PGR: variants seen among roughly 807,000 people sequenced by gnomAD.
PGR encodes progesterone receptor.
A neutral mutation model predicts 76.1 loss-of-function variants in PGR; 25 were observed. That is an observed-to-expected ratio of 0.33 (90% CI 0.24 to 0.46). PGR has a LOEUF of 0.46. PGR is among the 20% of genes least tolerant of loss of function. The probability of loss-of-function intolerance (pLI) is 1.00; values close to 1 mark genes in which losing one functional copy is unlikely to be tolerated. For synonymous variants in PGR, 579 were observed against 535.0 expected, an observed-to-expected ratio of 1.08 and a Z score of -1.14; for missense variants, 1,172 against 1,225.3, an observed-to-expected ratio of 0.96 and a Z score of 0.65.
intron 1 of PGR, 60 bp downstream of exon 1, chr11:101,127,365 GGCGGCCGCC>G (rs1325565549): frequency 8.0e-7 from 1 of 1,244,928 alleles, no homozygotes; most frequent in African/African-American, 1.6e-5. Flanking sequence ...GCTGAGGGTT[GGCGGCCGCC>G]GCCGCCAACG....
intron 2 of PGR, among the ~76,000 whole-genome samples, chr11:101,119,104 T>G (rs1216117303): frequency 1.3e-5 from 2 of 152,140 alleles, no homozygotes; most frequent in East Asian, 3.9e-4. Context: ...GGGTTCTCAC[T>G]CTTATGAGAA....
Position 101,031,871 on chromosome 11 carries a change from T to C in PGR, c.*7245A>G. ...AGAATCTATACAAAGAATGTGTTTA[T>C]TTTGTATGGGTTCAGCACAACTCAG... On this transcript the variant is annotated 3_prime_UTR_variant, in exon 8 of 8. Transcript: ENST00000325455. 1 of 229,782 alleles carries C rather than the reference T, an allele frequency of 4.4e-6. No individual in the cohort carries two copies. The highest frequency in any genetic ancestry group is 6.2e-5 in the East Asian group (1 of 16,116). The allele number at this position is 229,782 out of a possible 1,614,324, so 14.2% of individuals were successfully genotyped here. A position where few individuals can be genotyped will look rare whatever the true frequency, so the allele number is the denominator to read the frequency against.
chr11:101,116,531 G>A (rs1862514814), intron 2 of PGR, among the ~76,000 whole-genome samples: 1 of 152,136 alleles, frequency 6.6e-6, no homozygotes, highest in Admixed American at 6.5e-5. Context: ...CCTGAGGTCA[G>A]GAGTTCGAGA....
intron 3 of PGR, among the ~76,000 whole-genome samples, chr11:101,075,997 T>C (rs1039379010): frequency 6.6e-6 from 1 of 152,206 alleles, no homozygotes; most frequent in African/African-American, 2.4e-5. Context: ...TAAATCATTG[T>C]ACCATAAAGA....
intron 6 of PGR, among the ~76,000 whole-genome samples, chr11:101,042,601 T>C (rs548626827): frequency 1.3e-5 from 2 of 152,294 alleles, no homozygotes; most frequent in East Asian, 3.9e-4. Context: ...TTTTAAAAAT[T>C]GCTTCATTAA....
rs1861820849 is a variant in PGR, at chr11:101,096,032, G to A, written c.1790-4156C>T. Among the ~76,000 whole-genome samples the A allele has an allele frequency of 1.3e-5, 2 of 152,100 alleles. 1 individual carries two copies. Among genetic ancestry groups the A allele is most frequent in the South Asian group, 4.1e-4 (2 of 4,830 alleles). On this transcript the variant is annotated intron_variant, in intron 2 of 7. Coordinates refer to ENST00000325455, the MANE Select transcript of PGR (RefSeq NM_000926.4). ...TCTGGTATGAAGAGACTGATGATAA[G>A]TACCAAATAAATTTAAACATAAGTA...
At chr11:101,096,992 A>G (rs976447455) in intron 2 of PGR, among the ~76,000 whole-genome samples, 3 of 136,748 alleles carry the variant, frequency 2.2e-5, no homozygotes, top group Non-Finnish European at 4.9e-5. Context: ...AACAGGTTAC[A>G]TGGCATAATG....
intron 3 of PGR, among the ~76,000 whole-genome samples, chr11:101,077,576 C>G (rs564506622): frequency 6.6e-6 from 1 of 152,132 alleles, no homozygotes; most frequent in Admixed American, 6.5e-5. Context: ...TTTACTGAGT[C>G]TAGAAAATAA....
At chr11:101,064,498 G>C (rs181383648) in intron 3 of PGR, among the ~76,000 whole-genome samples, 1 of 152,128 alleles carries the variant, frequency 6.6e-6, no homozygotes, top group Admixed American at 6.6e-5. Context: ...GAAGGAATGA[G>C]TCACAAAGGG....
intron 4 of PGR, among the ~76,000 whole-genome samples, chr11:101,056,129 G>A (rs492457): frequency 0.72 from 109,134 of 151,838 alleles, 39,944 homozygotes; most frequent in East Asian, 1. Flanking sequence ...TAAATTCCCA[G>A]TGATGATAAT....
In PGR at chr11:101,032,802, C is replaced by A; in HGVS notation, c.*6314G>T. 5.2e-6 allele frequency: 1 copy of A among 192,222 alleles called. No individual in the cohort carries two copies. Among genetic ancestry groups the A allele is most frequent in the East Asian group, 8.3e-5 (1 of 12,064 alleles). The allele number at this position is 192,222 out of a possible 1,614,324, so 11.9% of individuals were successfully genotyped here. A position where few individuals can be genotyped will look rare whatever the true frequency, so the allele number is the denominator to read the frequency against. ...AGCTATCTGTTTACCTGTCTTTATT[C>A]CCCATCCAACTCTAAGCTCGGAGAA... On this transcript the variant is annotated 3_prime_UTR_variant, in exon 8 of 8. Coordinates refer to ENST00000325455, the MANE Select transcript of PGR (RefSeq NM_000926.4).
chr11:101,083,894 G>A (rs1565350012), intron 3 of PGR, among the ~76,000 whole-genome samples: 1 of 152,142 alleles, frequency 6.6e-6, no homozygotes, highest in Non-Finnish European at 1.5e-5. Context: ...TAAGACTTTG[G>A]GGGACTGTTG....
intron 2 of PGR, among the ~76,000 whole-genome samples, chr11:101,112,001 T>C (rs1022012743): frequency 6.6e-6 from 1 of 152,070 alleles, no homozygotes; most frequent in Non-Finnish European, 1.5e-5. Flanking sequence ...GGTCGTGTCT[T>C]GAAAACCAAG....
In PGR at chr11:101,125,953, T is replaced by C. The variant is rs1048190509; in HGVS notation, c.1789+54A>G. ...TAATTGAAATCTATACAATATTAGA[T>C]GGTCTCCATTTACAATTAAACCAAT... On this transcript the variant is annotated intron_variant, in intron 2 of 7. Transcript: ENST00000325455. 10 of 1,425,128 alleles carry C rather than the reference T, an allele frequency of 7.0e-6. No individual in the cohort carries two copies. In the African/African-American group the frequency reaches 1.4e-4, roughly 20 times the overall value. 88.3% of individuals were successfully genotyped at this position (1,425,128 alleles called of 1,614,324 possible).
intron 5 of PGR, 28 bp downstream of exon 5, chr11:101,051,396 A>C: frequency 6.6e-7 from 1 of 1,503,814 alleles, no homozygotes; most frequent in Non-Finnish European, 9.2e-7. Context: ...CACTTAAAAT[A>C]ACAAAAACAA....
At chr11:101,044,579 C>A (rs1186854738) in intron 6 of PGR, among the ~76,000 whole-genome samples, 2 of 151,928 alleles carry the variant, frequency 1.3e-5, no homozygotes, top group East Asian at 1.9e-4. Context: ...TAGTTTTCAA[C>A]CTATATCAAC....
At chr11:101,071,739 T>C (rs773619511) in intron 3 of PGR, among the ~76,000 whole-genome samples, 2 of 151,244 alleles carry the variant, frequency 1.3e-5, no homozygotes, top group Non-Finnish European at 2.9e-5. Flanking sequence ...AGATTGAAGA[T>C]CAACTGAATG....
chr11:101,101,671 G>A (rs1189032187), intron 2 of PGR, among the ~76,000 whole-genome samples: 1 of 152,114 alleles, frequency 6.6e-6, no homozygotes, highest in Non-Finnish European at 1.5e-5. Flanking sequence ...CAGATTGACT[G>A]TAGATCCAGA....
Position 101,075,128 on chromosome 11 carries a change from A to G in PGR, c.1907-12376T>C, listed in dbSNP as rs963246878. Among the ~76,000 whole-genome samples the G allele has an allele frequency of 3.9e-5, 6 of 152,326 alleles. No homozygotes were observed. In the South Asian group the frequency reaches 1.2e-3, roughly 32 times the overall value. On this transcript the variant is annotated intron_variant, in intron 3 of 7. Transcript: ENST00000325455. ...ATGGTACTGGTACCAAAACAGATAT[A>G]TAGACCAATGAAGCAGAACAGAGGC...
Sources: gnomAD v4.1 joint callset for allele counts (sites outside exome capture counted in the v4.1 genomes callset) on GRCh38, gnomAD v4.1.1 for gene constraint, MANE v1.5 for transcripts, NCBI Gene and HGNC (gene_info 2026-07-23, HGNC 2026-07-21) for gene names.